Variants in DAB1 observed in about 807,000 individuals in gnomAD.
DAB1 encodes disabled homolog 1.
Under a neutral mutation model 64.6 loss-of-function variants are expected in DAB1, and 15 were observed. The ratio of observed to expected loss-of-function variants is 0.23; its 90% CI spans 0.16 to 0.36. The LOEUF (loss-of-function observed/expected upper bound fraction) is 0.36. DAB1 is among the 10% of genes least tolerant of loss of function. DAB1 has a pLI of 1.00. For synonymous variants in DAB1, 235 were observed against 251.9 expected (o/e 0.93, Z 0.64); for missense variants, 596 against 706.7 (o/e 0.84, Z 1.78).
At chr1:58,290,634 G>A (rs1048106479) in intron 4 of DAB1, among the ~76,000 whole-genome samples, 16 of 152,118 alleles carry the variant, frequency 1.1e-4, no homozygotes, top group Non-Finnish European at 1.6e-4. Flanking sequence ...TTCTTAGCTC[G>A]TCTCTGAAGC....
intron 1 of DAB1, among the ~76,000 whole-genome samples, chr1:57,321,986 G>A (rs1558162741): frequency 1.3e-5 from 2 of 152,182 alleles, no homozygotes; most frequent in Non-Finnish European, 2.9e-5. Context: ...ATTATTGGAT[G>A]GCTCTCACTG....
Position 58,077,537 on chromosome 1 carries a change from G to C in DAB1, n.387+72974C>G, listed in dbSNP as rs535962053. ...AACAGGAGGGAGAGAAACACCAGCAGAACAAAGCTTGCATTGACAATCTTA... is the reference window on the plus strand; with the variant it reads ...AACAGGAGGGAGAGAAACACCAGCACAACAAAGCTTGCATTGACAATCTTA... On this transcript the variant is annotated intron_variant and non_coding_transcript_variant, in intron 5 of 20. Coordinates refer to the DAB1 transcript ENST00000485760. 6.6e-5 allele frequency among the ~76,000 whole-genome samples: 10 copies of C among 152,302 alleles called. No individual in the cohort carries two copies. In the East Asian group the frequency reaches 1.9e-3, roughly 29 times the overall value.
chr1:57,435,858 T>G (rs973439417), intron 7 of DAB1, among the ~76,000 whole-genome samples: 2 of 151,840 alleles, frequency 1.3e-5, no homozygotes, highest in Non-Finnish European at 2.9e-5. Flanking sequence ...TCATTTATTA[T>G]AAGCATTAAA....
At chr1:57,191,747 C>T (rs142378895) in intron 2 of DAB1, among the ~76,000 whole-genome samples, 4 of 152,224 alleles carry the variant, frequency 2.6e-5, no homozygotes, top group African/African-American at 4.8e-5. Context: ...ACCATGGTGT[C>T]TGGACCACTG....
intron 1 of DAB1, among the ~76,000 whole-genome samples, chr1:58,533,503 AC>A (rs1163468093): frequency 2.1e-4 from 32 of 152,212 alleles, no homozygotes; most frequent in Admixed American, 2.1e-3. Context: ...TATTAATTAC[AC>A]ATGACACATC....
intron 7 of DAB1, among the ~76,000 whole-genome samples, chr1:57,591,992 C>A (rs1377916923): frequency 6.6e-6 from 1 of 152,136 alleles, no homozygotes; most frequent in African/African-American, 2.4e-5. Flanking sequence ...AGATAAGTTA[C>A]AAATAAGCCC....
intron 4 of DAB1, among the ~76,000 whole-genome samples, chr1:57,120,439 G>A (rs960080476): frequency 6.6e-5 from 10 of 152,044 alleles, no homozygotes; most frequent in African/African-American, 2.4e-4. Flanking sequence ...CAATTATAAC[G>A]CATTTTTTAC....
chr1:57,145,348 T>C lies in DAB1; in HGVS notation c.149A>G (p.Asp50Gly). ...VRYKAKLIGIDEVSAARGDKL... is the reference protein window; with the variant it reads ...VRYKAKLIGIGEVSAARGDKL... ...GTCTCCCCGAGCTGCGGAAACTTCA[T>C]CAATCCCGATCAATTTGGCTTTGTA... Residue 50 changes from aspartate to glycine, a missense_variant, in exon 3 of 15, where the codon GAT becomes GGT. By Grantham distance (94) the Asp-to-Gly change is moderately conservative. Transcript: ENST00000371236. 2 of 1,614,130 alleles carry C rather than the reference T, an allele frequency of 1.2e-6. No individual in the cohort carries two copies. The highest frequency in any genetic ancestry group is 1.7e-6 in the Non-Finnish European group (2 of 1,179,974).
intron 5 of DAB1, among the ~76,000 whole-genome samples, chr1:58,016,886 C>A (rs1646747708): frequency 2.0e-5 from 3 of 152,166 alleles, no homozygotes; most frequent in Admixed American, 2.0e-4. Context: ...ACTATTAAAA[C>A]CATTATTAAA....
chr1:57,454,185 A>T (rs1686495250), intron 7 of DAB1, among the ~76,000 whole-genome samples: 1 of 151,948 alleles, frequency 6.6e-6, no homozygotes, highest in Non-Finnish European at 1.5e-5. Context: ...TTTTATACTC[A>T]CAGAGCCCAT....
chr1:58,191,217 C>T (rs1330836111), intron 4 of DAB1, among the ~76,000 whole-genome samples: 1 of 152,138 alleles, frequency 6.6e-6, no homozygotes, highest in Non-Finnish European at 1.5e-5. Context: ...CTAATATTTA[C>T]TGAGCACTTA....
At chr1:57,540,187 T>C (rs1476120349) in intron 7 of DAB1, among the ~76,000 whole-genome samples, 1 of 152,122 alleles carries the variant, frequency 6.6e-6, no homozygotes, top group Non-Finnish European at 1.5e-5. Flanking sequence ...AACAGGTATA[T>C]GAAAAAATGT....
At chr1:57,816,368 C>T (rs1173428844) in intron 6 of DAB1, among the ~76,000 whole-genome samples, 1 of 152,182 alleles carries the variant, frequency 6.6e-6, no homozygotes, top group Admixed American at 6.5e-5. Flanking sequence ...GTTCTTTCTC[C>T]AAAGCCGGTT....
chr1:57,406,461 C>A lies in DAB1; in HGVS notation c.-137+17469G>T, dbSNP rs1683649294. On this transcript the variant is annotated intron_variant, in intron 1 of 14. Transcript: ENST00000371236. The stretch of plus-strand genomic sequence containing the variant: ...GTCTGTGGCTTTTATAGGGTAATGT[C>A]CATGGATTCCACAATTCTGCCAGGT... Among the ~76,000 whole-genome samples the A allele has an allele frequency of 3.3e-5, 5 of 152,154 alleles. No homozygotes were observed. The South Asian group carries it at 1.0e-3, about 32-fold the overall frequency.
At chr1:57,835,229 T>C (rs886679138) in intron 1 of DAB1, among the ~76,000 whole-genome samples, 3 of 152,178 alleles carry the variant, frequency 2.0e-5, no homozygotes, top group Non-Finnish European at 2.9e-5. Flanking sequence ...GGCAATGCTA[T>C]GATCTAGGGT....
intron 9 of DAB1, among the ~76,000 whole-genome samples, chr1:57,061,682 T>G (rs1003030250): frequency 6.6e-6 from 1 of 152,214 alleles, no homozygotes; most frequent in Non-Finnish European, 1.5e-5. Context: ...GAGTCCCATT[T>G]CATATCTATG....
At chr1:58,324,111 T>C (rs939906295) in intron 4 of DAB1, among the ~76,000 whole-genome samples, 2 of 152,134 alleles carry the variant, frequency 1.3e-5, no homozygotes, top group South Asian at 4.2e-4. Flanking sequence ...TAATCTTAAT[T>C]GTCAATCACA....
At chr1:58,013,607 A>C (rs1329691363) in intron 5 of DAB1, among the ~76,000 whole-genome samples, 1 of 152,176 alleles carries the variant, frequency 6.6e-6, no homozygotes, top group Non-Finnish European at 1.5e-5. Flanking sequence ...AGTTGAGCTA[A>C]AACTCCTTCC....
chr1:57,886,747 G>A (rs984024663), upstream of DAB1, among the ~76,000 whole-genome samples: 1 of 152,060 alleles, frequency 6.6e-6, no homozygotes, highest in Non-Finnish European at 1.5e-5. Flanking sequence ...TGTAGACTTT[G>A]GACTCAAAGA....
Sources: gnomAD v4.1 joint callset for allele counts (sites outside exome capture counted in the v4.1 genomes callset) on GRCh38, gnomAD v4.1.1 for gene constraint, MANE v1.5 for transcripts, NCBI Gene and HGNC (gene_info 2026-07-23, HGNC 2026-07-21) for gene names.